Variants in FAIM observed in about 807,000 individuals in gnomAD.
FAIM encodes the protein fas apoptotic inhibitory molecule 1.
Under a neutral mutation model 21.2 loss-of-function variants are expected in FAIM, and 14 were observed. The ratio of observed to expected loss-of-function variants is 0.66; its 90% CI spans 0.44 to 1.03. The LOEUF (loss-of-function observed/expected upper bound fraction) is 1.03, where lower values mean the gene tolerates loss of function less well. Ranked by LOEUF, FAIM falls within the 50% of genes least tolerant of loss-of-function variation. FAIM has a pLI of 0.00. For synonymous variants in FAIM, 86 were observed against 80.4 expected (o/e 1.07, Z -0.37); for missense variants, 222 against 247.1 (o/e 0.90, Z 0.68).
intron 1 of FAIM, chr3:138,610,673 C>G (rs1467660559): frequency 1.5e-5 from 4 of 261,472 alleles, no homozygotes; most frequent in Non-Finnish European, 2.9e-5. Context: ...ACCTCCACCT[C>G]CCGGGTTCAA....
At chr3:138,623,137 C>A (rs2042905415) in intron 4 of FAIM, among the ~76,000 whole-genome samples, 1 of 151,600 alleles carries the variant, frequency 6.6e-6, no homozygotes, top group Admixed American at 6.6e-5. Flanking sequence ...TAGGATTTAT[C>A]AGTAAGAAAG....
At chr3:138,616,394 C>T in intron 1 of FAIM, among the ~76,000 whole-genome samples, 1 of 151,920 alleles carries the variant, frequency 6.6e-6, no homozygotes, top group East Asian at 1.9e-4. Flanking sequence ...TTGTTTTTTG[C>T]TTTTGGAACA....
chr3:138,618,388 G>T (rs1343060099), intron 1 of FAIM, among the ~76,000 whole-genome samples: 1 of 151,966 alleles, frequency 6.6e-6, no homozygotes, highest in Non-Finnish European at 1.5e-5. Flanking sequence ...TTTTTGGCTG[G>T]GTATGTGGTG....
At chr3:138,621,371 T>C (rs937730438) in intron 2 of FAIM, 36 bp from the exon 3 acceptor site, 3 of 1,598,504 alleles carry the variant, frequency 1.9e-6, no homozygotes, top group African/African-American at 1.3e-5. Context: ...AATTAGTATT[T>C]TGGCCTACTA....
chr3:138,629,083 A>G lies in FAIM; in HGVS notation c.407-24A>G, dbSNP rs368881339. The G allele has an allele frequency of 1.8e-5, 28 of 1,566,706 alleles. No individual in the cohort carries two copies. The African/African-American group carries it at 3.9e-4, about 22-fold the overall frequency. On this transcript the variant is annotated intron_variant, in intron 4 of 5. Transcript: ENST00000360570. ...TCTTTAAATCACAGAATTATAACTT[A>G]AAGTTTTTATGTTACCTTTACAGAA...
intron 4 of FAIM, among the ~76,000 whole-genome samples, chr3:138,626,489 A>G (rs994532918): frequency 1.3e-5 from 2 of 152,200 alleles, no homozygotes; most frequent in Admixed American, 1.3e-4. Flanking sequence ...CACTTATTAT[A>G]TTCCGAAGAT....
intron 2 of FAIM, 50 bp downstream of exon 2, chr3:138,619,820 T>C: frequency 5.3e-6 from 8 of 1,510,280 alleles, no homozygotes; most frequent in Non-Finnish European, 7.3e-6. Flanking sequence ...TTCAAGATTG[T>C]TATCATTCAA....
intron 1 of FAIM, among the ~76,000 whole-genome samples, chr3:138,617,967 A>G (rs957444042): frequency 4.1e-5 from 6 of 147,056 alleles, no homozygotes; most frequent in African/African-American, 1.2e-4. Context: ...TATATTATAT[A>G]TAGTATATAT....
chr3:138,631,447 A>G (rs561938866), intron 5 of FAIM, among the ~76,000 whole-genome samples: 1 of 152,218 alleles, frequency 6.6e-6, no homozygotes, highest in South Asian at 2.1e-4. Context: ...TTGTGGTTGT[A>G]AAAAGGTGAA....
intron 4 of FAIM, 114 bp from the exon 5 acceptor site, chr3:138,628,993 T>C: frequency 1.4e-6 from 1 of 702,878 alleles, no homozygotes. Context: ...GGAATATTAA[T>C]GGAGTTTTAG....
intron 5 of FAIM, chr3:138,629,448 G>A: frequency 5.6e-6 from 1 of 179,722 alleles, no homozygotes; most frequent in Non-Finnish European, 1.0e-5. Flanking sequence ...AGAGCCCCTA[G>A]TTAAAAAATT....
chr3:138,609,533 ACTCTCTCTCTCTCT>A (rs1286573079), intron 1 of FAIM, among the ~76,000 whole-genome samples: 4 of 3,362 alleles, frequency 1.2e-3, no homozygotes, highest in East Asian at 0.011. Context: ...AAGTGCTGAA[ACTCTCTCTCTCTCT>A]CTCTCTCTCT....
chr3:138,624,874 ATTAT>A (rs2042924148), intron 4 of FAIM, among the ~76,000 whole-genome samples: 2 of 152,220 alleles, frequency 1.3e-5, no homozygotes, highest in East Asian at 3.8e-4. Flanking sequence ...CTTTAAAAAT[ATTAT>A]TTGTCAGCCA....
intron 1 of FAIM, among the ~76,000 whole-genome samples, chr3:138,616,230 T>C (rs1243840696): frequency 2.0e-5 from 3 of 152,262 alleles, no homozygotes; most frequent in Non-Finnish European, 4.4e-5. Flanking sequence ...GCTGTTGTTA[T>C]AAGATACTGG....
intron 1 of FAIM, chr3:138,611,082 A>G (rs2042763385): frequency 5.1e-6 from 7 of 1,362,100 alleles, no homozygotes; most frequent in Admixed American, 1.7e-5. Flanking sequence ...CCCAATAACT[A>G]TTGGTATGCT....
intron 1 of FAIM, among the ~76,000 whole-genome samples, chr3:138,614,271 C>T (rs921071884): frequency 2.0e-4 from 30 of 152,154 alleles, no homozygotes; most frequent in African/African-American, 6.7e-4. Context: ...GAAACCTCAT[C>T]TTCACAAAAA....
At chr3:138,629,232 T>C (rs530196852) in intron 5 of FAIM, 76 bp downstream of exon 5, 295 of 1,213,570 alleles carry the variant, frequency 2.4e-4, no homozygotes, top group Non-Finnish European at 3.2e-4. Context: ...TTCCTAATTA[T>C]AGAGATCTTA....
At chr3:138,626,119 T>C (rs1008827598) in intron 4 of FAIM, among the ~76,000 whole-genome samples, 2 of 152,170 alleles carry the variant, frequency 1.3e-5, no homozygotes, top group Non-Finnish European at 2.9e-5. Context: ...GGGAAGTCCC[T>C]AGCTATTGTT....
chr3:138,610,310 A>G (rs1001135845), intron 1 of FAIM, among the ~76,000 whole-genome samples: 1 of 152,186 alleles, frequency 6.6e-6, no homozygotes, highest in Admixed American at 6.5e-5. Context: ...TTGCTAGGGA[A>G]GGGATTTTAA....
Sources: allele counts gnomAD v4.1 joint callset (sites outside exome capture counted in the v4.1 genomes callset), GRCh38; gene constraint gnomAD v4.1.1; transcripts MANE v1.5; gene names NCBI Gene and HGNC (gene_info 2026-07-23, HGNC 2026-07-21).